PXDNL: variants seen among roughly 807,000 people sequenced by gnomAD.
PXDNL encodes the protein probable oxidoreductase PXDNL.
Under a neutral mutation model 150.8 loss-of-function variants are expected in PXDNL, and 145 were observed. The ratio of observed to expected loss-of-function variants is 0.96; its 90% CI spans 0.84 to 1.10. The LOEUF (loss-of-function observed/expected upper bound fraction) is 1.10. Ranked by LOEUF, PXDNL falls within the 50% of genes least tolerant of loss-of-function variation. The pLI, the probability that PXDNL is intolerant of heterozygous loss-of-function variation, is 0.00. For missense variants in PXDNL, 2,087 were observed against 1,873.9 expected, an observed-to-expected ratio of 1.11 and a Z score of -2.10; for synonymous variants, 757 against 725.7, an observed-to-expected ratio of 1.04 and a Z score of -0.69.
chr8:51,436,028 T>C (rs1438478065), intron 12 of PXDNL: 2 of 529,136 alleles, frequency 3.8e-6, no homozygotes, highest in Non-Finnish European at 7.7e-6. Context: ...TCTGCTAAAT[T>C]CCTTGTTCAA....
At chr8:51,419,088 G>A (rs541256725) in intron 14 of PXDNL, among the ~76,000 whole-genome samples, 8 of 152,228 alleles carry the variant, frequency 5.3e-5, no homozygotes, top group South Asian at 2.1e-4. Flanking sequence ...GTTCAGATTC[G>A]AATATGTTCA....
At chr8:51,687,149 A>G (rs191720066) in intron 1 of PXDNL, among the ~76,000 whole-genome samples, 1 of 152,282 alleles carries the variant, frequency 6.6e-6, no homozygotes. Context: ...AGTAACTACA[A>G]AACAAAATAT....
intron 8 of PXDNL, 82 bp from the exon 9 acceptor site, chr8:51,457,749 T>G: frequency 3.4e-5 from 31 of 912,466 alleles, no homozygotes; most frequent in Non-Finnish European, 4.5e-5. Flanking sequence ...TATAGTACTA[T>G]ATAGCTATGT....
At chr8:51,520,923 T>A (rs963894711) in intron 4 of PXDNL, among the ~76,000 whole-genome samples, 1 of 152,074 alleles carries the variant, frequency 6.6e-6, no homozygotes, top group South Asian at 2.1e-4. Flanking sequence ...ACAGGGAATT[T>A]AAAAAAACTA....
intron 4 of PXDNL, among the ~76,000 whole-genome samples, chr8:51,550,360 A>G (rs947280169): frequency 6.6e-6 from 1 of 152,184 alleles, no homozygotes; most frequent in South Asian, 2.1e-4. Context: ...TAATACCAAA[A>G]CGAGGAGATG....
chr8:51,530,007 A>C (rs1736209547), intron 4 of PXDNL, among the ~76,000 whole-genome samples: 1 of 152,196 alleles, frequency 6.6e-6, no homozygotes. Flanking sequence ...CAACTTCCTC[A>C]ACTCTCCTGT....
chr8:51,425,218 C>T (rs1319108214), intron 13 of PXDNL, among the ~76,000 whole-genome samples: 1 of 152,182 alleles, frequency 6.6e-6, no homozygotes, highest in African/African-American at 2.4e-5. Flanking sequence ...TATGGTAGGG[C>T]GTTTCTATCG....
chr8:51,609,929 T>A (rs1813961537), intron 2 of PXDNL, among the ~76,000 whole-genome samples: 1 of 152,214 alleles, frequency 6.6e-6, no homozygotes, highest in African/African-American at 2.4e-5. Context: ...TGTCCCACTG[T>A]CTATGTTTGC....
At chr8:51,756,508 C>T (rs914510972) in intron 1 of PXDNL, among the ~76,000 whole-genome samples, 2 of 151,480 alleles carry the variant, frequency 1.3e-5, no homozygotes, top group Non-Finnish European at 2.9e-5. Flanking sequence ...TCATAGAAAA[C>T]CTATGATTAA....
rs775666751 is a variant in PXDNL at position 51,413,173 on chromosome 8, G to A, written c.1881C>T (p.Ser627=). The change falls in exon 15 of 23, where the codon TCC becomes TCT. Residue 627 remains serine, a synonymous_variant. Transcript: ENST00000356297. ...AVQRVDSAIN[S]TRRHLFSQKP... ...ACTGTGAAAACAAATGTCTTCGTGT[G>A]GAGTTAATTGCACTGTCAACTCTCT... 3.7e-6 allele frequency: 6 copies of A among 1,600,544 alleles called. No homozygotes were observed. In the African/African-American group the frequency reaches 5.4e-5, roughly 14 times the overall value.
At chr8:51,486,772 A>G (rs1471589959) in intron 5 of PXDNL, among the ~76,000 whole-genome samples, 2 of 8,000 alleles carry the variant, frequency 2.5e-4, no homozygotes, top group Non-Finnish European at 3.8e-4. Context: ...ATATATATAT[A>G]TATATATATA....
chr8:51,326,016 G>A (rs1462688130), intron 21 of PXDNL, among the ~76,000 whole-genome samples: 1 of 152,110 alleles, frequency 6.6e-6, no homozygotes, highest in East Asian at 1.9e-4. Flanking sequence ...GTCTGTTGAT[G>A]TGCTCAGGTT....
intron 19 of PXDNL, among the ~76,000 whole-genome samples, chr8:51,349,168 T>TGGGGG (rs1206410504): frequency 1.5e-5 from 1 of 68,632 alleles, no homozygotes; most frequent in African/African-American, 3.8e-5. Flanking sequence ...GGTGGGTGTG[T>TGGGGG]GTGTGGGGGT....
intron 17 of PXDNL, among the ~76,000 whole-genome samples, chr8:51,402,904 T>TACACACACAC (rs55768775): frequency 1.4e-5 from 2 of 146,170 alleles, no homozygotes; most frequent in East Asian, 2.1e-4. Context: ...CTACTAAAAA[T>TACACACACAC]ACACACACAC....
intron 19 of PXDNL, among the ~76,000 whole-genome samples, chr8:51,358,234 A>G (rs984669855): frequency 6.6e-6 from 1 of 152,246 alleles, no homozygotes; most frequent in Non-Finnish European, 1.5e-5. Context: ...CTCAGAGCCC[A>G]TGGGATTTCA....
intron 14 of PXDNL, among the ~76,000 whole-genome samples, chr8:51,413,966 G>C (rs1449316295): frequency 6.6e-6 from 1 of 152,046 alleles, no homozygotes; most frequent in Non-Finnish European, 1.5e-5. Context: ...TAAAAGTACA[G>C]TAACATTTTA....
intron 19 of PXDNL, among the ~76,000 whole-genome samples, chr8:51,359,656 G>A (rs1254074735): frequency 6.6e-6 from 1 of 152,100 alleles, no homozygotes; most frequent in Non-Finnish European, 1.5e-5. Context: ...GCAAATCTAT[G>A]AATTGAAATT....
At chr8:51,658,302 A>G (rs978823343) in intron 1 of PXDNL, among the ~76,000 whole-genome samples, 6 of 144,152 alleles carry the variant, frequency 4.2e-5, no homozygotes, top group Non-Finnish European at 7.5e-5. Context: ...TGATCACACC[A>G]CTGCACTCCA....
At chr8:51,501,353 C>T (rs1464323256) in intron 4 of PXDNL, among the ~76,000 whole-genome samples, 1 of 150,396 alleles carries the variant, frequency 6.6e-6, no homozygotes, top group Non-Finnish European at 1.5e-5. Context: ...CACACTCTCA[C>T]ATTGTCTCAC....
Sources: allele counts gnomAD v4.1 joint callset (sites outside exome capture counted in the v4.1 genomes callset), GRCh38; gene constraint gnomAD v4.1.1; transcripts MANE v1.5; gene names NCBI Gene and HGNC (gene_info 2026-07-23, HGNC 2026-07-21).